Variants in TNIK observed in about 807,000 individuals in gnomAD.
TNIK encodes TRAF2 and NCK interacting kinase.
Under a neutral mutation model 191.3 loss-of-function variants are expected in TNIK, and 49 were observed. The ratio of observed to expected loss-of-function variants is 0.26; its 90% CI spans 0.20 to 0.32. The LOEUF (loss-of-function observed/expected upper bound fraction) is 0.32. TNIK is among the 10% of genes least tolerant of loss of function. The pLI is 1.00. For synonymous variants in TNIK, 594 were observed against 600.9 expected (o/e 0.99, Z 0.17); for missense variants, 1,155 against 1,702.3 (o/e 0.68, Z 5.66).
intron 3 of TNIK, among the ~76,000 whole-genome samples, chr3:171,222,851 C>CTGGCTCTTGCAT (rs1249928224): frequency 6.6e-6 from 1 of 152,134 alleles, no homozygotes; most frequent in African/African-American, 2.4e-5. Flanking sequence ...TGTTCAACTT[C>CTGGCTCTTGCAT]TGGCTCTTGC....
At chr3:171,136,986 A>G (rs1324826540) in intron 15 of TNIK, among the ~76,000 whole-genome samples, 5 of 152,196 alleles carry the variant, frequency 3.3e-5, no homozygotes, top group African/African-American at 1.2e-4. Flanking sequence ...CACAAATCAA[A>G]ACAATTTTTC....
At chr3:171,379,523 T>A (rs576337207) in intron 1 of TNIK, among the ~76,000 whole-genome samples, 1 of 152,318 alleles carries the variant, frequency 6.6e-6, no homozygotes, top group East Asian at 1.9e-4. Context: ...ACACAAGGAA[T>A]GCACAAGCCC....
At chr3:171,106,506 A>G (rs1171666010) in intron 21 of TNIK, among the ~76,000 whole-genome samples, 1 of 151,982 alleles carries the variant, frequency 6.6e-6, no homozygotes, top group Non-Finnish European at 1.5e-5. Flanking sequence ...TGCATTTAGG[A>G]CTCTTTGCAA....
Position 171,344,234 on chromosome 3 carries a change from T to A in TNIK, c.123+25386A>T, listed in dbSNP as rs142831833. Among the ~76,000 whole-genome samples, 285 of 152,284 alleles carry A rather than the reference T, an allele frequency of 1.9e-3. 2 individuals are homozygous for A. The highest frequency in any genetic ancestry group is 6.3e-3 in the African/African-American group (262 of 41,554). ...TCTGGGAGTTACAAACATCTGACCC[T>A]CAGTGGGCAATTCTGGTTACCTCTT... On this transcript the variant is annotated intron_variant, in intron 2 of 32. Transcript: ENST00000436636.
At chr3:171,457,809 A>C (rs532838285) in intron 1 of TNIK, among the ~76,000 whole-genome samples, 63 of 152,352 alleles carry the variant, frequency 4.1e-4, no homozygotes, top group Non-Finnish European at 5.9e-5. Flanking sequence ...GAAAAACAGA[A>C]GCAGAGCCCT....
intron 22 of TNIK, among the ~76,000 whole-genome samples, chr3:171,097,398 G>A (rs1463539428): frequency 6.6e-6 from 1 of 152,204 alleles, no homozygotes; most frequent in Non-Finnish European, 1.5e-5. Flanking sequence ...AAAAATACTG[G>A]ATGTGCACAA....
chr3:171,267,073 AG>A (rs1342806495), intron 2 of TNIK, among the ~76,000 whole-genome samples: 1 of 152,220 alleles, frequency 6.6e-6, no homozygotes, highest in East Asian at 1.9e-4. Context: ...TCTATTTCTT[AG>A]GATGCATTTA....
At chr3:171,269,752 T>C (rs1024935957) in intron 2 of TNIK, among the ~76,000 whole-genome samples, 1 of 152,202 alleles carries the variant, frequency 6.6e-6, no homozygotes, top group African/African-American at 2.4e-5. Flanking sequence ...ATAGTTTCAC[T>C]TTGCTTCATG....
chr3:171,272,631 T>G (rs536796767), intron 2 of TNIK, among the ~76,000 whole-genome samples: 1 of 152,356 alleles, frequency 6.6e-6, no homozygotes, highest in South Asian at 2.1e-4. Context: ...TGTTGATGCT[T>G]TGTCTTGCAT....
intron 1 of TNIK, among the ~76,000 whole-genome samples, chr3:171,391,217 T>C (rs571683555): frequency 1.6e-4 from 24 of 152,322 alleles, no homozygotes; most frequent in African/African-American, 5.5e-4. Flanking sequence ...ACAAAAACTA[T>C]TTTTGTCTGT....
At chr3:171,183,243 C>T (rs190839415) in intron 7 of TNIK, among the ~76,000 whole-genome samples, 38 of 152,320 alleles carry the variant, frequency 2.5e-4, no homozygotes, top group African/African-American at 7.0e-4. Context: ...CTCTATTGCT[C>T]CCTGCTGGCA....
At chr3:171,065,862 C>A (rs1480638371) in intron 32 of TNIK, among the ~76,000 whole-genome samples, 1 of 152,120 alleles carries the variant, frequency 6.6e-6, no homozygotes, top group Non-Finnish European at 1.5e-5. Context: ...TAAAGTTGAC[C>A]CACTGTGAGA....
chr3:171,387,226 T>G (rs1051109010), intron 1 of TNIK, among the ~76,000 whole-genome samples: 2 of 151,994 alleles, frequency 1.3e-5, no homozygotes, highest in Non-Finnish European at 2.9e-5. Flanking sequence ...GTTCTAGGAG[T>G]GGTTCAAAGT....
At chr3:171,403,761 A>AC (rs1553770630) in intron 1 of TNIK, among the ~76,000 whole-genome samples, 8 of 152,098 alleles carry the variant, frequency 5.3e-5, no homozygotes, top group Admixed American at 3.3e-4. Flanking sequence ...GAACTAGAAT[A>AC]GAGTGAGGTT....
intron 10 of TNIK, among the ~76,000 whole-genome samples, chr3:171,163,371 T>G (rs1475216698): frequency 6.6e-6 from 1 of 152,188 alleles, no homozygotes; most frequent in Non-Finnish European, 1.5e-5. Flanking sequence ...GAAACTGCAA[T>G]TTAGTTATGT....
intron 1 of TNIK, among the ~76,000 whole-genome samples, chr3:171,375,460 A>C (rs1717082749): frequency 6.6e-6 from 1 of 152,244 alleles, no homozygotes. Flanking sequence ...CTCTTTAAAA[A>C]TTAGTTAGAC....
chr3:171,446,777 C>T (rs1305140811), intron 1 of TNIK, among the ~76,000 whole-genome samples: 2 of 152,190 alleles, frequency 1.3e-5, no homozygotes, highest in Non-Finnish European at 2.9e-5. Flanking sequence ...ACCTTGCTAT[C>T]TTCTATGATC....
At chr3:171,333,761 C>G (rs1013045472) in intron 2 of TNIK, among the ~76,000 whole-genome samples, 2 of 152,188 alleles carry the variant, frequency 1.3e-5, no homozygotes, top group African/African-American at 4.8e-5. Context: ...CAAGGTCTTT[C>G]AAAGATTTTA....
chr3:171,451,987 G>T (rs1216611966), intron 1 of TNIK, among the ~76,000 whole-genome samples: 1 of 152,170 alleles, frequency 6.6e-6, no homozygotes, highest in East Asian at 1.9e-4. Context: ...GCAATGTATT[G>T]TTAAAGTCTA....
Sources: gnomAD v4.1 joint callset for allele counts (sites outside exome capture counted in the v4.1 genomes callset) on GRCh38, gnomAD v4.1.1 for gene constraint, MANE v1.5 for transcripts, NCBI Gene and HGNC (gene_info 2026-07-23, HGNC 2026-07-21) for gene names.